DOCK3: variants seen among roughly 807,000 people sequenced by gnomAD.
The protein encoded by DOCK3 is dedicator of cytokinesis 3.
DOCK3 carries 60 observed loss-of-function variants against 265.6 expected under a neutral mutation model. The ratio of observed to expected loss-of-function variants is 0.23; its 90% CI spans 0.18 to 0.28. The LOEUF is 0.28. Ranked by LOEUF, DOCK3 falls within the 10% of genes least tolerant of loss-of-function variation. The pLI, the probability that DOCK3 is intolerant of heterozygous loss-of-function variation, is 1.00. For synonymous variants in DOCK3, 881 were observed against 938.0 expected (o/e 0.94, Z 1.11); for missense variants, 1,981 against 2,594.3 (o/e 0.76, Z 5.14).
chr3:50,825,171 AC>A (rs2044685411), intron 2 of DOCK3, among the ~76,000 whole-genome samples: 2 of 152,230 alleles, frequency 1.3e-5, no homozygotes, highest in Non-Finnish European at 2.9e-5. Context: ...TTTTGGGATT[AC>A]AATGGAGTAT....
At chr3:50,787,042 T>G in intron 2 of DOCK3, 1 of 739,390 alleles carries the variant, frequency 1.4e-6, no homozygotes, top group Non-Finnish European at 2.6e-6. Context: ...AAAATTTCTT[T>G]TCTTCATATC....
chr3:51,213,616 C>G (rs139388478), intron 13 of DOCK3, among the ~76,000 whole-genome samples: 69 of 152,326 alleles, frequency 4.5e-4, no homozygotes, highest in Non-Finnish European at 9.0e-4. Flanking sequence ...CTGTTGCAAG[C>G]CAGTGCAAGA....
intron 5 of DOCK3, among the ~76,000 whole-genome samples, chr3:51,027,381 A>G (rs527434411): frequency 2.8e-4 from 42 of 152,100 alleles, no homozygotes; most frequent in South Asian, 1.0e-3. Context: ...CATGTGGTCA[A>G]TCTTAGAGTA....
intron 5 of DOCK3, among the ~76,000 whole-genome samples, chr3:51,007,395 T>C (rs969134202): frequency 2.0e-5 from 3 of 152,262 alleles, no homozygotes; most frequent in Non-Finnish European, 4.4e-5. Flanking sequence ...CATTTTTTCA[T>C]GTGTCTGTTG....
chr3:50,766,909 C>T lies in DOCK3; in HGVS notation c.38-11766C>T, dbSNP rs553314072. 2.6e-5 allele frequency among the ~76,000 whole-genome samples: 4 copies of T among 152,224 alleles called. No homozygotes were observed. In the South Asian group the frequency reaches 8.3e-4, roughly 32 times the overall value. ...CATTTTTTCATGTGTCTGTTGGCTG[C>T]ATACATGTCTTCTTTTGAGAAGTGT... On this transcript the variant is annotated intron_variant, in intron 1 of 52. Coordinates refer to ENST00000266037, the MANE Select transcript of DOCK3 (RefSeq NM_004947.5).
chr3:50,847,907 C>T (rs1016471860), intron 3 of DOCK3, among the ~76,000 whole-genome samples: 12 of 78,504 alleles, frequency 1.5e-4, no homozygotes, highest in Admixed American at 1.5e-3. Context: ...AAAAAAATCC[C>T]CCACAGTTAT....
Position 51,173,877 on chromosome 3 carries a change from T to C in DOCK3, c.1037+13175T>C, listed in dbSNP as rs1341139694. Among the ~76,000 whole-genome samples, 4 of 152,310 alleles carry C rather than the reference T, an allele frequency of 2.6e-5. No homozygotes were observed. In the East Asian group the frequency reaches 7.7e-4, roughly 29 times the overall value. ...ATTTAGAACATTTTCAGCCAATATT[T>C]CTTTAAATTTTTCCCCCTTTTCTTT... On this transcript the variant is annotated intron_variant, in intron 12 of 52. Coordinates refer to ENST00000266037, the MANE Select transcript of DOCK3 (RefSeq NM_004947.5).
chr3:51,378,567 C>T (rs1301591469), intron 51 of DOCK3, among the ~76,000 whole-genome samples: 1 of 152,268 alleles, frequency 6.6e-6, no homozygotes, highest in African/African-American at 2.4e-5. Flanking sequence ...TTGTGAGCCG[C>T]TTCTCTGCTG....
intron 9 of DOCK3, among the ~76,000 whole-genome samples, chr3:51,105,506 C>A (rs1389293539): frequency 6.6e-6 from 1 of 152,180 alleles, no homozygotes; most frequent in Non-Finnish European, 1.5e-5. Flanking sequence ...GGAAACAAAT[C>A]ACATATCAAC....
intron 32 of DOCK3, among the ~76,000 whole-genome samples, chr3:51,329,132 T>C (rs1306247782): frequency 6.6e-6 from 1 of 152,120 alleles, no homozygotes; most frequent in Non-Finnish European, 1.5e-5. Context: ...CAGCCTGACA[T>C]AGTGAGACTC....
At chr3:50,920,918 G>C (rs920439028) in intron 4 of DOCK3, among the ~76,000 whole-genome samples, 1 of 152,054 alleles carries the variant, frequency 6.6e-6, no homozygotes, top group African/African-American at 2.4e-5. Flanking sequence ...ACACTGCTTT[G>C]AATGTGTCCC....
chr3:51,170,941 CAAAA>C (rs146911259), intron 12 of DOCK3, among the ~76,000 whole-genome samples: 1 of 60,030 alleles, frequency 1.7e-5, no homozygotes. Context: ...GACTCCATCT[CAAAA>C]AAAAAAAAAA....
intron 1 of DOCK3, among the ~76,000 whole-genome samples, chr3:50,722,770 T>TTG (rs2037554378): frequency 9.8e-3 from 1 of 102 alleles, no homozygotes; most frequent in Admixed American, 0.071. Context: ...CTTTTTCTTG[T>TTG]TTTTTTTTTT....
chr3:50,832,209 G>C (rs776088976), intron 2 of DOCK3, among the ~76,000 whole-genome samples: 2 of 152,040 alleles, frequency 1.3e-5, no homozygotes, highest in African/African-American at 4.8e-5. Flanking sequence ...ACAAAAATTA[G>C]CTCAAGACGG....
chr3:50,851,551 G>C (rs567436130), intron 3 of DOCK3, among the ~76,000 whole-genome samples: 1 of 152,298 alleles, frequency 6.6e-6, no homozygotes, highest in Admixed American at 6.5e-5. Flanking sequence ...CCATATGCCT[G>C]AATTTCTGCC....
At chr3:51,116,450 CAAAAAA>C (rs55898136) in intron 9 of DOCK3, among the ~76,000 whole-genome samples, 3 of 54,972 alleles carry the variant, frequency 5.5e-5, no homozygotes, top group African/African-American at 7.8e-5. Context: ...GACTCCATCT[CAAAAAA>C]AAAAAAAAAA....
intron 2 of DOCK3, among the ~76,000 whole-genome samples, chr3:50,805,839 G>T (rs2043378810): frequency 6.6e-6 from 1 of 152,184 alleles, no homozygotes; most frequent in Non-Finnish European, 1.5e-5. Context: ...TTATGTTGTG[G>T]ATGTGCACCT....
intron 2 of DOCK3, among the ~76,000 whole-genome samples, chr3:50,829,407 T>C (rs2044990812): frequency 6.6e-6 from 1 of 152,226 alleles, no homozygotes; most frequent in South Asian, 2.1e-4. Flanking sequence ...TATGCCATTT[T>C]GGGAACTGGG....
At chr3:51,148,682 G>T (rs2085420443) in intron 10 of DOCK3, among the ~76,000 whole-genome samples, 1 of 152,150 alleles carries the variant, frequency 6.6e-6, no homozygotes, top group East Asian at 1.9e-4. Flanking sequence ...TGAGACCTCT[G>T]TTCTGTTCCA....
Sources: allele counts gnomAD v4.1 joint callset (sites outside exome capture counted in the v4.1 genomes callset), GRCh38; gene constraint gnomAD v4.1.1; transcripts MANE v1.5; gene names NCBI Gene and HGNC (gene_info 2026-07-23, HGNC 2026-07-21).